PCDH15: variants seen among roughly 807,000 people sequenced by gnomAD.
PCDH15 encodes the protein protocadherin related 15, also known as protocadherin-15.
A neutral mutation model predicts 178.5 loss-of-function variants in PCDH15; 129 were observed. The ratio of observed to expected loss-of-function variants is 0.72; its 90% CI spans 0.63 to 0.84. PCDH15 has a LOEUF of 0.84. Among genes scored for constraint, PCDH15 ranks in the 40% least tolerant of loss-of-function variants. PCDH15 has a pLI of 0.00. For synonymous variants in PCDH15, 800 were observed against 732.0 expected, an observed-to-expected ratio of 1.09 and a Z score of -1.50; for missense variants, 2,230 against 2,099.9, an observed-to-expected ratio of 1.06 and a Z score of -1.21.
intron 1 of PCDH15, among the ~76,000 whole-genome samples, chr10:54,787,271 G>A (rs78241352): frequency 3.3e-5 from 5 of 149,278 alleles, no homozygotes; most frequent in Non-Finnish European, 6.0e-5. Flanking sequence ...AGATAAAAAG[G>A]AAAAAAAAAC....
chr10:55,324,439 T>C (rs1476806650), upstream of PCDH15, among the ~76,000 whole-genome samples: 1 of 152,160 alleles, frequency 6.6e-6, no homozygotes, highest in African/African-American at 2.4e-5. Flanking sequence ...CAAGAGTTGT[T>C]ATTCAAATTT....
In PCDH15 at chr10:54,174,702, C is replaced by CTTTTTT. The variant is rs1169302544; in HGVS notation, c.1590+8736_1590+8741dup. On this transcript the variant is annotated intron_variant, in intron 13 of 37. Transcript: ENST00000644397. ...CTTCTTTCTTTTTTCTTTTTCTTTT[C>CTTTTTT]TTTTTTTTTTTTTTTTTTTTTGAGA... Among the ~76,000 whole-genome samples, 446 of 84,050 alleles carry CTTTTTT rather than the reference C, an allele frequency of 5.3e-3. 10 individuals are homozygous for CTTTTTT. Among genetic ancestry groups the CTTTTTT allele is most frequent in the Admixed American group, 8.3e-3 (49 of 5,870 alleles). 55.1% of individuals were successfully genotyped at this position (84,050 alleles called of 152,430 possible). A position where few individuals can be genotyped will look rare whatever the true frequency, so the allele number is the denominator to read the frequency against.
intron 2 of PCDH15, among the ~76,000 whole-genome samples, chr10:54,918,729 TTGTATG>T (rs1425396861): frequency 9.2e-5 from 14 of 152,184 alleles, no homozygotes; most frequent in Non-Finnish European, 1.9e-4. Context: ...ATAAAAATAC[TTGTATG>T]TGTAAGTCTA....
intron 33 of PCDH15, among the ~76,000 whole-genome samples, chr10:53,819,359 C>T (rs1207713122): frequency 6.6e-6 from 1 of 151,862 alleles, no homozygotes; most frequent in African/African-American, 2.4e-5. Flanking sequence ...TTTCCATTCA[C>T]ATTTTTGTTG....
At chr10:54,575,170 G>C (rs1324968460) in intron 2 of PCDH15, 1 of 122,098 alleles carries the variant, frequency 8.2e-6, no homozygotes, top group Non-Finnish European at 1.7e-5. Context: ...GGAGGGGGGA[G>C]GGATAGCATT....
intron 2 of PCDH15, among the ~76,000 whole-genome samples, chr10:55,366,762 T>C (rs932628766): frequency 3.3e-5 from 5 of 152,208 alleles, no homozygotes; most frequent in African/African-American, 4.8e-5. Context: ...AGAAGTACTG[T>C]AGCAGCTGAC....
intron 2 of PCDH15, among the ~76,000 whole-genome samples, chr10:55,159,365 C>CTATATATATA (rs1181041481): frequency 1.2e-4 from 2 of 17,274 alleles, no homozygotes; most frequent in Admixed American, 7.9e-4. Context: ...ATCTATCTAT[C>CTATATATATA]TATCTATATA....
chr10:54,715,440 C>T (rs1294608199), intron 1 of PCDH15, among the ~76,000 whole-genome samples: 1 of 152,068 alleles, frequency 6.6e-6, no homozygotes, highest in Non-Finnish European at 1.5e-5. Flanking sequence ...AATAGCAAAA[C>T]AGTGCATAAA....
At chr10:55,272,297 G>A (rs11813342) in intron 1 of PCDH15, among the ~76,000 whole-genome samples, 3,106 of 151,374 alleles carry the variant, frequency 0.021, 72 homozygotes, top group Non-Finnish European at 0.03. Context: ...AAATTCTTAC[G>A]TTGCCTTTCA....
chr10:54,838,819 G>A (rs1229838307), intron 3 of PCDH15, among the ~76,000 whole-genome samples: 1 of 152,150 alleles, frequency 6.6e-6, no homozygotes, highest in Non-Finnish European at 1.5e-5. Context: ...CCTCTCAGCT[G>A]CAATCTGGAA....
intron 2 of PCDH15, among the ~76,000 whole-genome samples, chr10:55,404,370 C>T (rs980665729): frequency 2.0e-5 from 3 of 152,158 alleles, no homozygotes; most frequent in Admixed American, 1.3e-4. Context: ...ATGGAAAACG[C>T]TATTATCCTG....
intron 2 of PCDH15, among the ~76,000 whole-genome samples, chr10:55,537,607 T>C (rs927309382): frequency 6.6e-6 from 1 of 152,072 alleles, no homozygotes; most frequent in Admixed American, 6.6e-5. Flanking sequence ...GGCTAATTTT[T>C]GTATTTTTAG....
At chr10:54,142,252 TA>T (rs1426825514) in intron 14 of PCDH15, among the ~76,000 whole-genome samples, 1 of 151,800 alleles carries the variant, frequency 6.6e-6, no homozygotes, top group Non-Finnish European at 1.5e-5. Flanking sequence ...TTCTGTAGTA[TA>T]AATATCCTAT....
chr10:53,899,196 C>G lies in PCDH15; in HGVS notation c.3501+4047G>C, dbSNP rs2082164471. Reference sequence around the variant, plus strand: ...GTGGCTTCTGTAAGGGTAGAGAGAGCCTATTTTTGTTGCTTCCATATTTTC... The same window carrying G: ...GTGGCTTCTGTAAGGGTAGAGAGAGGCTATTTTTGTTGCTTCCATATTTTC... On this transcript the variant is annotated intron_variant, in intron 26 of 37. Coordinates refer to ENST00000644397, the MANE Select transcript of PCDH15 (RefSeq NM_001384140.1). Among the ~76,000 whole-genome samples, 3 of 150,536 alleles carry G rather than the reference C, an allele frequency of 2.0e-5. 1 individual carries two copies. The South Asian group carries it at 6.3e-4, about 32-fold the overall frequency.
intron 13 of PCDH15, among the ~76,000 whole-genome samples, chr10:54,164,351 T>A (rs917208572): frequency 3.3e-5 from 5 of 152,192 alleles, no homozygotes; most frequent in African/African-American, 1.2e-4. Flanking sequence ...TTTATGTAGT[T>A]AGATAAAAAT....
chr10:54,317,043 TG>T (rs1264861069), intron 8 of PCDH15, among the ~76,000 whole-genome samples: 1 of 152,202 alleles, frequency 6.6e-6, no homozygotes, highest in Non-Finnish European at 1.5e-5. Flanking sequence ...AAAATAACCA[TG>T]TTGGACTGTT....
chr10:53,842,498 C>T (rs566694519), intron 28 of PCDH15, among the ~76,000 whole-genome samples: 4 of 152,204 alleles, frequency 2.6e-5, no homozygotes, highest in South Asian at 2.1e-4. Flanking sequence ...CCGCCCGCCT[C>T]GGCCTTTCAA....
intron 2 of PCDH15, among the ~76,000 whole-genome samples, chr10:55,396,706 T>C (rs1224344079): frequency 6.6e-6 from 1 of 152,218 alleles, no homozygotes; most frequent in African/African-American, 2.4e-5. Context: ...ACTTTGTACA[T>C]GGTCAGCTTT....
At chr10:54,280,288 T>C (rs1256447021) in intron 8 of PCDH15, among the ~76,000 whole-genome samples, 1 of 151,396 alleles carries the variant, frequency 6.6e-6, no homozygotes. Flanking sequence ...CTAGTTTTTT[T>C]TTTTTTTTCT....
Sources: gnomAD v4.1 joint callset for allele counts (sites outside exome capture counted in the v4.1 genomes callset) on GRCh38, gnomAD v4.1.1 for gene constraint, MANE v1.5 for transcripts, NCBI Gene and HGNC (gene_info 2026-07-23, HGNC 2026-07-21) for gene names.